PARVB: variants seen among roughly 807,000 people sequenced by gnomAD.
PARVB encodes parvin beta.
In PARVB, 46 loss-of-function variants were observed where a neutral mutation model predicts 47.0. That is an observed-to-expected ratio of 0.98 (90% CI 0.77 to 1.25). PARVB has a LOEUF of 1.25. PARVB is among the 50% of genes most tolerant of loss of function. The pLI is 0.00. For synonymous variants in PARVB, 196 were observed against 196.3 expected (o/e 1.00, Z 0.01); for missense variants, 473 against 471.6 (o/e 1.00, Z -0.03).
chr22:44,132,922 C>T lies in PARVB; in HGVS notation c.546C>T (p.Ile182=). ...TTCACGGGAAGAACCTGGTGGCCATCCTCCACCTGCTGGTCTCTCTGGCCA... is the reference window on the plus strand; with the variant it reads ...TTCACGGGAAGAACCTGGTGGCCATTCTCCACCTGCTGGTCTCTCTGGCCA... ...DSIHGKNLVA[I]LHLLVSLAMH... The change falls in exon 6 of 13, where the codon ATC becomes ATT. Residue 182 remains isoleucine, a synonymous_variant. Coordinates refer to ENST00000338758, the MANE Select transcript of PARVB (RefSeq NM_013327.5). 5.0e-6 allele frequency: 8 copies of T among 1,613,928 alleles called. No individual in the cohort carries two copies. Among genetic ancestry groups the T allele is most frequent in the Non-Finnish European group, 6.8e-6 (8 of 1,179,798 alleles).
chr22:44,097,459 C>T (rs763154216), intron 2 of PARVB, among the ~76,000 whole-genome samples: 4 of 152,198 alleles, frequency 2.6e-5, no homozygotes, highest in African/African-American at 4.8e-5. Flanking sequence ...CCAGGGTCCC[C>T]GGTCAAGGCT....
At chr22:44,011,664 C>T (rs996577646) in intron 2 of PARVB, among the ~76,000 whole-genome samples, 2 of 152,000 alleles carry the variant, frequency 1.3e-5, no homozygotes, top group African/African-American at 4.8e-5. Flanking sequence ...AAATTGAGTC[C>T]TTGCATCAGA....
intron 3 of PARVB, among the ~76,000 whole-genome samples, chr22:44,117,630 C>T (rs899666211): frequency 1.3e-5 from 2 of 152,200 alleles, no homozygotes; most frequent in Non-Finnish European, 2.9e-5. Flanking sequence ...TCCTTGTGGG[C>T]TTGTGTGTCA....
chr22:44,132,252 C>T (rs959535154), intron 5 of PARVB, among the ~76,000 whole-genome samples: 2 of 152,172 alleles, frequency 1.3e-5, no homozygotes, highest in Non-Finnish European at 2.9e-5. Flanking sequence ...TGGCCTTGCA[C>T]CCGGTTTCTT....
At chr22:44,048,623 A>G (rs901456590) in intron 1 of PARVB, among the ~76,000 whole-genome samples, 2 of 152,114 alleles carry the variant, frequency 1.3e-5, no homozygotes, top group African/African-American at 4.8e-5. Context: ...GTGCAGTGGC[A>G]CAATCTCAGC....
intron 1 of PARVB, among the ~76,000 whole-genome samples, chr22:44,059,332 C>T (rs931953150): frequency 1.3e-5 from 2 of 152,180 alleles, no homozygotes; most frequent in African/African-American, 4.8e-5. Flanking sequence ...AGACATGAGC[C>T]TCTGTGCCCA....
chr22:44,164,895 A>AC (rs1475685141), intron 12 of PARVB, among the ~76,000 whole-genome samples: 2 of 152,294 alleles, frequency 1.3e-5, no homozygotes, highest in South Asian at 2.1e-4. Context: ...CTGCCAGTCC[A>AC]CGCGGAAGGT....
chr22:44,028,418 A>C (rs763562259), intron 1 of PARVB, among the ~76,000 whole-genome samples: 3 of 151,976 alleles, frequency 2.0e-5, no homozygotes, highest in Non-Finnish European at 2.9e-5. Context: ...TAGCGTTTTC[A>C]GATTGGCTTC....
At chr22:44,107,278 T>C (rs1226686440) in intron 3 of PARVB, 1 of 152,266 alleles carries the variant, frequency 6.6e-6, no homozygotes, top group Admixed American at 6.5e-5. Flanking sequence ...GAACACTGAA[T>C]GCTGCCCAGG....
intron 4 of PARVB, among the ~76,000 whole-genome samples, chr22:44,123,884 A>G (rs888899281): frequency 2.6e-5 from 4 of 152,224 alleles, no homozygotes; most frequent in Admixed American, 6.5e-5. Flanking sequence ...CTGCCTGCTG[A>G]AATTACGTGG....
chr22:44,052,207 G>A (rs1291222723), intron 1 of PARVB, among the ~76,000 whole-genome samples: 1 of 152,210 alleles, frequency 6.6e-6, no homozygotes, highest in African/African-American at 2.4e-5. Context: ...GGTTGTGAGT[G>A]AAACTTGAAG....
chr22:44,043,290 G>T (rs987377912), intron 1 of PARVB, among the ~76,000 whole-genome samples: 22 of 152,228 alleles, frequency 1.4e-4, no homozygotes, highest in African/African-American at 4.8e-4. Context: ...TATTTTGGGG[G>T]TGACGAAAAT....
intron 1 of PARVB, among the ~76,000 whole-genome samples, chr22:44,071,922 G>A (rs928949730): frequency 6.6e-6 from 1 of 152,218 alleles, no homozygotes; most frequent in African/African-American, 2.4e-5. Context: ...CAGGAAGGGA[G>A]GCGCAGCTGG....
In PARVB at chr22:44,066,804, C is replaced by CCTCCTCCTCCTCCTCCTCCTTCTCCTT. The variant is rs1555898497; in HGVS notation, c.113-27106_113-27105insCTTCTCCTTCTCCTCCTCCTCCTCCTC. On this transcript the variant is annotated intron_variant, in intron 1 of 12. Coordinates refer to ENST00000338758, the MANE Select transcript of PARVB (RefSeq NM_013327.5). ...TTCTCCTCCTCCTCCTCCTCCTCCT[C>CCTCCTCCTCCTCCTCCTCCTTCTCCTT]CTCCTCCTCCTCCTCCTCTTCCTCC... Among the ~76,000 whole-genome samples the CCTCCTCCTCCTCCTCCTCCTTCTCCTT allele has an allele frequency of 1.8e-4, 23 of 131,144 alleles. 2 individuals are homozygous for CCTCCTCCTCCTCCTCCTCCTTCTCCTT. The East Asian group carries it at 5.7e-3, about 32-fold the overall frequency. The allele number at this position is 131,144 out of a possible 152,430, so 86.0% of individuals were successfully genotyped here. A position where few individuals can be genotyped will look rare whatever the true frequency, so the allele number is the denominator to read the frequency against.
intron 1 of PARVB, chr22:44,081,481 A>G (rs1259162298): frequency 2.9e-6 from 1 of 340,892 alleles, no homozygotes; most frequent in Non-Finnish European, 4.2e-6. Context: ...TTATTTTCTC[A>G]GCAGACAACG....
At chr22:44,101,752 G>GAA (rs58386939) in intron 3 of PARVB, among the ~76,000 whole-genome samples, 82 of 124,714 alleles carry the variant, frequency 6.6e-4, no homozygotes, top group African/African-American at 1.9e-3. Flanking sequence ...CCATCTCACA[G>GAA]AAAAAAAAAA....
At chr22:44,075,401 C>G (rs979853672) in intron 1 of PARVB, among the ~76,000 whole-genome samples, 1 of 152,222 alleles carries the variant, frequency 6.6e-6, no homozygotes, top group African/African-American at 2.4e-5. Flanking sequence ...CGCACACTAT[C>G]AACATCCTCC....
At chr22:44,113,515 C>G (rs1264457777) in intron 3 of PARVB, 2 of 60,858 alleles carry the variant, frequency 3.3e-5, no homozygotes, top group African/African-American at 9.4e-5. Context: ...GGCCCTGTAC[C>G]AACACAGATA....
intron 8 of PARVB, chr22:44,145,426 T>C (rs2053642533): frequency 6.6e-6 from 1 of 151,848 alleles, no homozygotes; most frequent in Non-Finnish European, 1.5e-5. Flanking sequence ...CCAAGACAGG[T>C]GGGAGGAGCT....
Sources: allele counts gnomAD v4.1 joint callset (sites outside exome capture counted in the v4.1 genomes callset), GRCh38; gene constraint gnomAD v4.1.1; transcripts MANE v1.5; gene names NCBI Gene and HGNC (gene_info 2026-07-23, HGNC 2026-07-21).